PLEKHA5: variants seen among roughly 807,000 people sequenced by gnomAD.
The protein encoded by PLEKHA5 is pleckstrin homology domain containing A5.
PLEKHA5 carries 55 observed loss-of-function variants against 181.9 expected under a neutral mutation model. The observed-to-expected ratio is 0.30, with a 90% CI of 0.24 to 0.38. The LOEUF is 0.38. PLEKHA5 is among the 10% of genes least tolerant of loss of function. The pLI, the probability that PLEKHA5 is intolerant of heterozygous loss-of-function variation, is 1.00. For missense variants in PLEKHA5, 1,432 were observed against 1,549.5 expected (o/e 0.92, Z 1.27); for synonymous variants, 535 against 529.4 (o/e 1.01, Z -0.15).
chr12:19,135,425 T>C (rs1281885195), intron 3 of PLEKHA5, among the ~76,000 whole-genome samples: 1 of 152,094 alleles, frequency 6.6e-6, no homozygotes, highest in Admixed American at 6.6e-5. Flanking sequence ...TTCTTTGAAT[T>C]TTGTACTGTT....
At chr12:19,374,080 A>G (rs1435603229) in intron 31 of PLEKHA5, among the ~76,000 whole-genome samples, 1 of 152,226 alleles carries the variant, frequency 6.6e-6, no homozygotes, top group Non-Finnish European at 1.5e-5. Context: ...CCTATTATGC[A>G]TATGCCATCT....
intron 20 of PLEKHA5, among the ~76,000 whole-genome samples, chr12:19,332,414 C>A (rs2153097349): frequency 6.6e-6 from 1 of 152,298 alleles, no homozygotes; most frequent in Non-Finnish European, 1.5e-5. Flanking sequence ...ATTTTACTAG[C>A]ATACCAGAAG....
At chr12:19,218,204 T>C (rs1233212003) in intron 3 of PLEKHA5, among the ~76,000 whole-genome samples, 1 of 152,170 alleles carries the variant, frequency 6.6e-6, no homozygotes, top group East Asian at 1.9e-4. Context: ...CAGAGAGGGA[T>C]AGGATTGTCA....
chr12:19,305,241 G>T (rs2082880136), intron 15 of PLEKHA5, among the ~76,000 whole-genome samples: 1 of 152,102 alleles, frequency 6.6e-6, no homozygotes. Flanking sequence ...ATAATTCAGT[G>T]GTTTTTGATG....
chr12:19,333,406 C>T (rs1301974665), intron 20 of PLEKHA5, among the ~76,000 whole-genome samples: 5 of 151,630 alleles, frequency 3.3e-5, no homozygotes, highest in East Asian at 4.0e-4. Context: ...GATGAAACCA[C>T]GTCTCTACTA....
intron 10 of PLEKHA5, among the ~76,000 whole-genome samples, chr12:19,273,163 C>T (rs1000566298): frequency 2.0e-5 from 3 of 152,146 alleles, no homozygotes; most frequent in African/African-American, 7.2e-5. Context: ...CCCACCCTGG[C>T]CTCCCAAAGT....
intron 20 of PLEKHA5, among the ~76,000 whole-genome samples, chr12:19,324,303 C>T (rs1016143792): frequency 6.6e-6 from 1 of 152,180 alleles, no homozygotes. Flanking sequence ...AAATACCTTA[C>T]ATTTCTATTT....
At chr12:19,147,372 C>T (rs1480949571) in intron 3 of PLEKHA5, 1 of 152,112 alleles carries the variant, frequency 6.6e-6, no homozygotes, top group Non-Finnish European at 1.5e-5. Flanking sequence ...AAGTTTAGGG[C>T]TGCACATAAA....
At position 19,353,884 on chromosome 12, in the gene PLEKHA5, G is replaced by C. The variant is rs2094752406; in HGVS notation, c.3020G>C (p.Gly1007Ala). The change falls in exon 26 of 32, where the codon GGT becomes GCT. Residue 1007 changes from glycine to alanine, a missense_variant and splice_region_variant. Physicochemically the swap from Gly to Ala is moderately conservative, Grantham distance 60 (BLOSUM62 0). Transcript: ENST00000429027. ...AACTTACTGCTGTTTTAATTTTTAG[G>C]TTCCCACTTTCCTGTTGGAGTAGTC... ...VSEIETSVVKGSHFPVGVVPP... is the reference protein window; with the variant it reads ...VSEIETSVVKASHFPVGVVPP... The C allele has an allele frequency of 6.8e-7, 1 of 1,468,370 alleles. No homozygotes were observed. The highest frequency in any genetic ancestry group is 1.1e-5 in the South Asian group (1 of 87,240). 91.0% of individuals were successfully genotyped at this position (1,468,370 alleles called of 1,614,324 possible).
At chr12:19,211,535 C>T (rs890912868) in intron 3 of PLEKHA5, among the ~76,000 whole-genome samples, 7 of 152,112 alleles carry the variant, frequency 4.6e-5, no homozygotes, top group African/African-American at 1.4e-4. Context: ...CCTATGGAAT[C>T]CCTCTCAACA....
chr12:19,344,003 G>T (rs2094139637), intron 22 of PLEKHA5, among the ~76,000 whole-genome samples: 1 of 150,310 alleles, frequency 6.7e-6, no homozygotes, highest in African/African-American at 2.5e-5. Flanking sequence ...AGTGAGCCAA[G>T]ATCATGCCAG....
At chr12:19,354,082 CTTATCAAAAT>C in intron 26 of PLEKHA5, 80 bp downstream of exon 26, 1 of 378,348 alleles carries the variant, frequency 2.6e-6, no homozygotes, top group Non-Finnish European at 4.8e-6. Context: ...TTTTCAGTGT[CTTATCAAAAT>C]TATTTTTGCA....
chr12:19,257,652 G>A, intron 6 of PLEKHA5, 115 bp downstream of exon 6: 1 of 641,574 alleles, frequency 1.6e-6, no homozygotes, highest in East Asian at 3.0e-5. Flanking sequence ...CTATGGAGAA[G>A]CCACCCAGGT....
chr12:19,280,974 GT>G (rs2075993071), intron 11 of PLEKHA5, among the ~76,000 whole-genome samples: 1 of 152,026 alleles, frequency 6.6e-6, no homozygotes, highest in Admixed American at 6.6e-5. Context: ...GCCTCCCAAA[GT>G]ACTGGGATTA....
At chr12:19,320,706 CTTCT>C in intron 18 of PLEKHA5, 82 bp downstream of exon 18, 1 of 626,714 alleles carries the variant, frequency 1.6e-6, no homozygotes, top group Non-Finnish European at 2.8e-6. Flanking sequence ...GACCAAAAAA[CTTCT>C]TTCTCCCAAG....
chr12:19,279,597 G>A (rs2075519844), intron 11 of PLEKHA5, among the ~76,000 whole-genome samples: 1 of 151,354 alleles, frequency 6.6e-6, no homozygotes, highest in Non-Finnish European at 1.5e-5. Flanking sequence ...TGGGAGACAG[G>A]TCCAGTGAGC....
chr12:19,337,322 G>A (rs2093512786), intron 21 of PLEKHA5, among the ~76,000 whole-genome samples: 1 of 152,106 alleles, frequency 6.6e-6, no homozygotes, highest in African/African-American at 2.4e-5. Context: ...GGAGGCTGAA[G>A]TGGGTAGATC....
At chr12:19,157,912 G>A (rs1312796940) in intron 3 of PLEKHA5, among the ~76,000 whole-genome samples, 1 of 152,104 alleles carries the variant, frequency 6.6e-6, no homozygotes, top group African/African-American at 2.4e-5. Flanking sequence ...AAGTGATGCC[G>A]AACTCTGGAA....
rs541654950 is a variant in PLEKHA5, at chr12:19,306,653, G to C, written c.2038-8161G>C. On this transcript the variant is annotated intron_variant, in intron 15 of 31. Coordinates refer to ENST00000429027, the MANE Select transcript of PLEKHA5 (RefSeq NM_001256470.2). ...AGGCGGCGGCATCGAGGTAATAGGT[G>C]ACTGATCTCCCCGGGCGCTAGCTCT... 9.5e-5 allele frequency: 131 copies of C among 1,379,208 alleles called. No homozygotes were observed. The South Asian group carries it at 1.4e-3, about 15-fold the overall frequency. The allele number at this position is 1,379,208 out of a possible 1,614,324, so 85.4% of individuals were successfully genotyped here.
Sources: gnomAD v4.1 joint callset for allele counts (sites outside exome capture counted in the v4.1 genomes callset) on GRCh38, gnomAD v4.1.1 for gene constraint, MANE v1.5 for transcripts, NCBI Gene and HGNC (gene_info 2026-07-23, HGNC 2026-07-21) for gene names.